UTP20: variants seen among roughly 807,000 people sequenced by gnomAD.
UTP20 encodes UTP20 small subunit processome component, also known as small subunit processome component 20 homolog.
A neutral mutation model predicts 329.5 loss-of-function variants in UTP20; 164 were observed. The ratio of observed to expected loss-of-function variants is 0.50; its 90% CI spans 0.44 to 0.57. The LOEUF (loss-of-function observed/expected upper bound fraction) is 0.57, where lower values mean the gene tolerates loss of function less well. UTP20 is among the 20% of genes least tolerant of loss of function. The pLI is 0.00. For synonymous variants in UTP20, 1,151 were observed against 1,159.3 expected (o/e 0.99, Z 0.14); for missense variants, 3,055 against 3,284.2 (o/e 0.93, Z 1.71).
intron 29 of UTP20, among the ~76,000 whole-genome samples, chr12:101,334,900 A>G (rs1020920971): frequency 6.6e-6 from 1 of 151,956 alleles, no homozygotes; most frequent in African/African-American, 2.4e-5. Flanking sequence ...TTGAGCCAAC[A>G]AAGTTGAGGC....
rs1324701915 is a variant in UTP20, at chr12:101,386,052, T to C, written c.8287T>C (p.Phe2763Leu). 2 of 1,608,898 alleles carry C rather than the reference T, an allele frequency of 1.2e-6. No homozygotes were observed. The highest frequency in any genetic ancestry group is 1.7e-6 in the Non-Finnish European group (2 of 1,179,148). ...KSEAKKRKIE[F>L]LRPGYKAKRQ... is the part of the protein sequence containing the mutation. ...TGAAGCAAAGAAGAGAAAGATAGAGTTCCTGCGTCCAGGATATAAGGCCAA... is the reference window on the plus strand; with the variant it reads ...TGAAGCAAAGAAGAGAAAGATAGAGCTCCTGCGTCCAGGATATAAGGCCAA... Residue 2763 changes from phenylalanine to leucine, a missense_variant, in exon 62 of 62, where the codon TTC becomes CTC. By Grantham distance (22) the Phe-to-Leu change is conservative. Transcript: ENST00000261637.
chr12:101,348,402 T>C (rs57083693), intron 38 of UTP20, among the ~76,000 whole-genome samples: 34,902 of 151,986 alleles, frequency 0.23, 4,299 homozygotes, highest in East Asian at 0.37. Flanking sequence ...TTATTTTATC[T>C]CCATTGGCTT....
intron 2 of UTP20, among the ~76,000 whole-genome samples, chr12:101,283,762 C>A (rs1008315441): frequency 6.6e-6 from 1 of 152,300 alleles, no homozygotes; most frequent in African/African-American, 2.4e-5. Flanking sequence ...GTTGCCTAGG[C>A]TAGTCTCAAA....
chr12:101,353,144 C>A lies in UTP20; in HGVS notation c.5107+15C>A. On this transcript the variant is annotated intron_variant, in intron 40 of 61. Transcript: ENST00000261637. ...GAATGAAGAAAGTAAGTTTCTTAAA[C>A]TTTCTTAAACAAGATTTTCATCTTA... 2.0e-6 allele frequency: 3 copies of A among 1,528,550 alleles called. No homozygotes were observed. Among genetic ancestry groups the A allele is most frequent in the East Asian group, 2.3e-5 (1 of 44,144 alleles). 94.7% of individuals were successfully genotyped at this position (1,528,550 alleles called of 1,614,324 possible). A position where few individuals can be genotyped will look rare whatever the true frequency, so the allele number is the denominator to read the frequency against.
In UTP20 at chr12:101,363,737, A is replaced by G. The variant is rs755346299; in HGVS notation, c.5952A>G (p.Leu1984=). Residue 1984 remains leucine, a synonymous_variant, in exon 45 of 62, where the codon TTA becomes TTG. Transcript: ENST00000261637. Reference sequence around the variant, plus strand: ...AGGTTACAAAACTCATCCTTCCATTAAAAGAGGTAAGGACGTAAATGCAAT... The same window carrying G: ...AGGTTACAAAACTCATCCTTCCATTGAAAGAGGTAAGGACGTAAATGCAAT... ...KDQVTKLILP[L]KEILQNTTSL... is the part of the protein sequence containing the mutation. The G allele has an allele frequency of 6.3e-6, 10 of 1,595,820 alleles. No individual in the cohort carries two copies. The highest frequency in any genetic ancestry group is 6.0e-6 in the Non-Finnish European group (7 of 1,163,448).
chr12:101,385,410 T>C (rs1593459407), intron 60 of UTP20, among the ~76,000 whole-genome samples, 173 bp from the exon 61 acceptor site: 1 of 152,220 alleles, frequency 6.6e-6, no homozygotes, highest in Non-Finnish European at 1.5e-5. Flanking sequence ...CAGTGTTTAA[T>C]GTTGAAGTAA....
At chr12:101,305,302 T>A (rs1385554822) in intron 15 of UTP20, among the ~76,000 whole-genome samples, 1 of 152,000 alleles carries the variant, frequency 6.6e-6, no homozygotes, top group Non-Finnish European at 1.5e-5. Flanking sequence ...TTAACTGCTA[T>A]ATCTACAGTA....
At chr12:101,337,913 G>T (rs1049309816) in intron 29 of UTP20, 138 bp from the exon 30 acceptor site, 2 of 784,122 alleles carry the variant, frequency 2.6e-6, no homozygotes, top group Non-Finnish European at 4.0e-6. Flanking sequence ...TCAAATTTTA[G>T]ATTTAAACTA....
At chr12:101,298,974 A>T (rs745494094) in intron 12 of UTP20, among the ~76,000 whole-genome samples, 1 of 152,024 alleles carries the variant, frequency 6.6e-6, no homozygotes, top group Non-Finnish European at 1.5e-5. Context: ...CTTCTATTGC[A>T]TAACAAGCTA....
intron 5 of UTP20, among the ~76,000 whole-genome samples, chr12:101,287,521 A>C (rs915051706): frequency 2.6e-5 from 4 of 152,188 alleles, no homozygotes; most frequent in African/African-American, 7.2e-5. Flanking sequence ...GTATTACTGA[A>C]ACTGAACTCA....
In UTP20 at chr12:101,352,294, T is replaced by C. The variant is rs961408273; in HGVS notation, c.5024+100T>C. 5.3e-6 allele frequency: 7 copies of C among 1,309,896 alleles called. No homozygotes were observed. In the African/African-American group the frequency reaches 7.4e-5, roughly 14 times the overall value. 81.1% of individuals were successfully genotyped at this position (1,309,896 alleles called of 1,614,324 possible). ...TGTGCCACATTTTCTTAATCCAGTC[T>C]ATCATTGTTGGACATTTGGGTTGGT... On this transcript the variant is annotated intron_variant, in intron 39 of 61. Transcript: ENST00000261637.
At chr12:101,342,618 C>A in intron 33 of UTP20, 29 bp downstream of exon 33, 1 of 1,584,444 alleles carries the variant, frequency 6.3e-7, no homozygotes. Context: ...TACTCCAAAT[C>A]ACCCTTTTAA....
intron 36 of UTP20, among the ~76,000 whole-genome samples, 179 bp downstream of exon 36, chr12:101,344,929 T>C (rs918289884): frequency 3.4e-5 from 5 of 145,568 alleles, no homozygotes; most frequent in Admixed American, 1.5e-4. Flanking sequence ...GAGCACTTTT[T>C]TTTGCTTTTT....
At position 101,368,902 on chromosome 12, in the gene UTP20, T is replaced by TTCCGACTCCC. The variant is rs1464787177; in HGVS notation, c.6385-819_6385-818insTCCGACTCCC. 6.2e-3 allele frequency among the ~76,000 whole-genome samples: 944 copies of TTCCGACTCCC among 152,276 alleles called. 5 individuals carry two copies. The highest frequency in any genetic ancestry group is 0.022 in the African/African-American group (896 of 41,560). On this transcript the variant is annotated intron_variant, in intron 48 of 61. Coordinates refer to ENST00000261637, the MANE Select transcript of UTP20 (RefSeq NM_014503.3). The stretch of plus-strand genomic sequence containing the variant: ...CTCCCAAGCTCGCTCTTCTGTGTCT[T>TTCCGACTCCC]AATCCAGCCCACTGAAGAGTTCTCA...
chr12:101,352,903 T>C (rs1252147704), intron 39 of UTP20, 144 bp from the exon 40 acceptor site: 2 of 366,126 alleles, frequency 5.5e-6, no homozygotes, highest in Non-Finnish European at 9.8e-6. Context: ...CTTGTATTAA[T>C]AAGGTTATGC....
At position 101,280,166 on chromosome 12, in the gene UTP20, A is replaced by G; in HGVS notation, c.-117A>G. 7.5e-7 allele frequency: 1 copy of G among 1,337,854 alleles called. No homozygotes were observed. Among genetic ancestry groups the G allele is most frequent in the Non-Finnish European group, 1.0e-6 (1 of 976,194 alleles). 82.9% of individuals were successfully genotyped at this position (1,337,854 alleles called of 1,614,324 possible). A position where few individuals can be genotyped will look rare whatever the true frequency, so the allele number is the denominator to read the frequency against. On this transcript the variant is annotated 5_prime_UTR_variant, in exon 1 of 62. Coordinates refer to ENST00000261637, the MANE Select transcript of UTP20 (RefSeq NM_014503.3). Reference sequence around the variant, plus strand: ...CAGGGGCTCAAGCCGCACGTGAGAAAGTCTGGGCATCTGGGAATCGGAGAG... The same window carrying G: ...CAGGGGCTCAAGCCGCACGTGAGAAGGTCTGGGCATCTGGGAATCGGAGAG...
At chr12:101,295,054 C>A (rs1872303608) in intron 11 of UTP20, among the ~76,000 whole-genome samples, 1 of 152,154 alleles carries the variant, frequency 6.6e-6, no homozygotes, top group South Asian at 2.1e-4. Context: ...GCATTGCTTT[C>A]TCTGCCCAGT....
chr12:101,315,227 T>A (rs1469301368), intron 21 of UTP20, among the ~76,000 whole-genome samples: 2 of 152,164 alleles, frequency 1.3e-5, no homozygotes, highest in East Asian at 3.9e-4. Context: ...GGCTCACACC[T>A]GTAATCCCAG....
intron 28 of UTP20, 37 bp from the exon 29 acceptor site, chr12:101,334,388 A>T: frequency 6.4e-7 from 1 of 1,558,272 alleles, no homozygotes; most frequent in Admixed American, 1.7e-5. Flanking sequence ...AATTTGGTAT[A>T]TGTATTTGGT....
Sources: allele counts gnomAD v4.1 joint callset (sites outside exome capture counted in the v4.1 genomes callset), GRCh38; gene constraint gnomAD v4.1.1; transcripts MANE v1.5; gene names NCBI Gene and HGNC (gene_info 2026-07-23, HGNC 2026-07-21).